SOX6: variants seen among roughly 807,000 people sequenced by gnomAD.
SOX6 encodes the protein transcription factor SOX-6.
Under a neutral mutation model 97.8 loss-of-function variants are expected in SOX6, and 11 were observed. That is an observed-to-expected ratio of 0.11 (90% CI 0.07 to 0.19). The LOEUF is 0.19. Ranked by LOEUF, SOX6 falls within the 10% of genes least tolerant of loss-of-function variation. The pLI is 1.00. For synonymous variants in SOX6, 360 were observed against 371.4 expected (o/e 0.97, Z 0.35); for missense variants, 810 against 1,039.5 (o/e 0.78, Z 3.04).
intron 4 of SOX6, among the ~76,000 whole-genome samples, chr11:16,573,709 A>G (rs1025825673): frequency 6.6e-6 from 1 of 152,220 alleles, no homozygotes; most frequent in Non-Finnish European, 1.5e-5. Context: ...CTATTAACCA[A>G]TTGAAAATAT....
At chr11:16,551,325 G>A (rs1317025342) in intron 4 of SOX6, among the ~76,000 whole-genome samples, 3 of 152,034 alleles carry the variant, frequency 2.0e-5, no homozygotes, top group African/African-American at 4.8e-5. Context: ...ACTCAGCCCA[G>A]GCAACAGAGT....
chr11:16,072,215 AG>A (rs1258475785), intron 9 of SOX6, among the ~76,000 whole-genome samples: 1 of 152,200 alleles, frequency 6.6e-6, no homozygotes, highest in African/African-American at 2.4e-5. Flanking sequence ...AAATGATACA[AG>A]AGATAAAAGA....
At chr11:16,337,364 TC>T (rs1856495815) in intron 2 of SOX6, among the ~76,000 whole-genome samples, 1 of 152,138 alleles carries the variant, frequency 6.6e-6, no homozygotes, top group Non-Finnish European at 1.5e-5. Context: ...ACAGTTACAA[TC>T]TAGCAGATAA....
intron 4 of SOX6, among the ~76,000 whole-genome samples, chr11:16,485,795 G>A (rs1221170417): frequency 6.7e-6 from 1 of 150,250 alleles, no homozygotes; most frequent in Non-Finnish European, 1.5e-5. Context: ...CGAGGAGGCT[G>A]AGGCAGGAAG....
At chr11:16,623,582 T>C (rs1386511075) in intron 3 of SOX6, among the ~76,000 whole-genome samples, 1 of 152,168 alleles carries the variant, frequency 6.6e-6, no homozygotes, top group Non-Finnish European at 1.5e-5. Context: ...CCCATCTATT[T>C]ATCTTTGTTT....
intron 2 of SOX6, among the ~76,000 whole-genome samples, chr11:16,716,367 G>A (rs1261274015): frequency 6.6e-6 from 1 of 152,174 alleles, no homozygotes; most frequent in Admixed American, 6.5e-5. Context: ...AACATAGAGA[G>A]AACCCATCTC....
intron 6 of SOX6, among the ~76,000 whole-genome samples, chr11:16,181,621 T>C (rs1443886603): frequency 2.0e-5 from 3 of 151,238 alleles, no homozygotes; most frequent in Non-Finnish European, 3.0e-5. Context: ...CAGAGATGAA[T>C]ACATTTTGTG....
At chr11:16,055,567 A>T (rs1847793788) in intron 10 of SOX6, among the ~76,000 whole-genome samples, 185 bp downstream of exon 10, 1 of 152,218 alleles carries the variant, frequency 6.6e-6, no homozygotes, top group African/African-American at 2.4e-5. Flanking sequence ...ACAATACGGC[A>T]CTATTGTTAT....
intron 2 of SOX6, among the ~76,000 whole-genome samples, chr11:16,731,152 C>T (rs180938757): frequency 2.0e-5 from 3 of 152,026 alleles, no homozygotes; most frequent in Non-Finnish European, 4.4e-5. Flanking sequence ...GATTCACAGC[C>T]GAATTCTACC....
chr11:16,363,311 T>C (rs966851284), intron 1 of SOX6, among the ~76,000 whole-genome samples: 1 of 152,148 alleles, frequency 6.6e-6, no homozygotes, highest in South Asian at 2.1e-4. Flanking sequence ...CATTCCCTAA[T>C]CTGAAAATGC....
intron 1 of SOX6, among the ~76,000 whole-genome samples, chr11:16,424,411 A>G (rs1859083003): frequency 6.6e-6 from 1 of 152,156 alleles, no homozygotes; most frequent in East Asian, 1.9e-4. Context: ...AAGATAACAA[A>G]CTGAGACTCA....
intron 1 of SOX6, among the ~76,000 whole-genome samples, chr11:16,452,577 C>A (rs1160159578): frequency 1.3e-5 from 2 of 151,978 alleles, no homozygotes; most frequent in Non-Finnish European, 2.9e-5. Context: ...TTCAGTAGTT[C>A]TAAAACAAAA....
intron 4 of SOX6, among the ~76,000 whole-genome samples, chr11:16,593,521 G>GAA (rs11454509): frequency 2.1e-4 from 31 of 148,818 alleles, no homozygotes; most frequent in South Asian, 4.2e-4. Flanking sequence ...TCCACCTTTA[G>GAA]AAAAAAAAAA....
At chr11:16,191,033 C>G (rs1017808101) in intron 4 of SOX6, among the ~76,000 whole-genome samples, 3 of 152,082 alleles carry the variant, frequency 2.0e-5, no homozygotes, top group African/African-American at 4.8e-5. Flanking sequence ...GGCAAAGGAA[C>G]TACAATTGTA....
intron 6 of SOX6, among the ~76,000 whole-genome samples, chr11:16,149,193 A>C (rs2134053327): frequency 6.6e-6 from 1 of 152,260 alleles, no homozygotes; most frequent in African/African-American, 2.4e-5. Flanking sequence ...ATTACACTGA[A>C]AGTTCAAGGT....
At chr11:16,482,630 A>G (rs1860362719) in intron 4 of SOX6, among the ~76,000 whole-genome samples, 1 of 152,308 alleles carries the variant, frequency 6.6e-6, no homozygotes, top group African/African-American at 2.4e-5. Flanking sequence ...TTTAAGTCTA[A>G]ATAACCATTG....
chr11:16,590,083 A>G (rs576287269), intron 4 of SOX6, among the ~76,000 whole-genome samples: 6 of 152,346 alleles, frequency 3.9e-5, no homozygotes, highest in African/African-American at 1.4e-4. Context: ...AAAACTCTGG[A>G]GTCACCATTT....
At chr11:16,024,096 T>C (rs570226613) in intron 12 of SOX6, among the ~76,000 whole-genome samples, 1 of 152,160 alleles carries the variant, frequency 6.6e-6, no homozygotes, top group South Asian at 2.1e-4. Context: ...GGTGTACTTA[T>C]ACGAAGGGTA....
At chr11:16,076,549 A>C (rs1193039576) in intron 9 of SOX6, among the ~76,000 whole-genome samples, 7 of 152,198 alleles carry the variant, frequency 4.6e-5, no homozygotes, top group African/African-American at 1.7e-4. Context: ...TGCTATAAAG[A>C]AATACCTGAG....
Sources: allele counts gnomAD v4.1 joint callset (sites outside exome capture counted in the v4.1 genomes callset), GRCh38; gene constraint gnomAD v4.1.1; transcripts MANE v1.5; gene names NCBI Gene and HGNC (gene_info 2026-07-23, HGNC 2026-07-21).